The following ARB2A variants were observed in gnomAD, a reference collection of about 807,000 sequenced individuals.
ARB2A encodes ARB2 cotranscriptional regulator A, also known as cotranscriptional regulator ARB2A.
At chr5:93,720,621 G>A in the ARB2A span, among the ~76,000 whole-genome samples, 1 of 152,128 alleles carries the variant, frequency 6.6e-6, no homozygotes, top group South Asian at 2.1e-4. Flanking sequence ...ACTGATACTA[G>A]CTCTATAGTT....
chr5:94,046,971 A>C, the ARB2A span, among the ~76,000 whole-genome samples: 2 of 152,176 alleles, frequency 1.3e-5, no homozygotes, highest in Non-Finnish European at 2.9e-5. Flanking sequence ...TCAACAGTGA[A>C]ATTAGCAATC....
chr5:94,075,220 T>C, the ARB2A span, among the ~76,000 whole-genome samples: 1 of 152,124 alleles, frequency 6.6e-6, no homozygotes, highest in South Asian at 2.1e-4. Context: ...AACAAGCAGA[T>C]AGGAGGATGC....
At chr5:94,103,168 A>G in the ARB2A span, among the ~76,000 whole-genome samples, 2 of 152,088 alleles carry the variant, frequency 1.3e-5, no homozygotes, top group East Asian at 3.9e-4. Context: ...TTCACATATC[A>G]ATACTGACTC....
At chr5:93,932,508 A>G in the ARB2A span, among the ~76,000 whole-genome samples, 5 of 152,212 alleles carry the variant, frequency 3.3e-5, no homozygotes, top group Non-Finnish European at 7.3e-5. Context: ...AGCTTTATCT[A>G]TAAGTAGACA....
At chr5:94,107,027 C>T in the ARB2A span, among the ~76,000 whole-genome samples, 3 of 151,898 alleles carry the variant, frequency 2.0e-5, no homozygotes, top group Admixed American at 6.6e-5. Context: ...AACTACCTAT[C>T]GGGTCACTGC....
At chr5:93,946,947 T>G in the ARB2A span, among the ~76,000 whole-genome samples, 5 of 152,342 alleles carry the variant, frequency 3.3e-5, no homozygotes, top group Non-Finnish European at 5.9e-5. Context: ...TTGAAACATC[T>G]GATAGAAGAG....
At chr5:93,977,466 C>T in the ARB2A span, among the ~76,000 whole-genome samples, 2 of 152,150 alleles carry the variant, frequency 1.3e-5, no homozygotes, top group Admixed American at 1.3e-4. Context: ...TAAAGTCACA[C>T]ACCACCAACC....
At chr5:93,915,371 C>T in the ARB2A span, among the ~76,000 whole-genome samples, 1 of 151,480 alleles carries the variant, frequency 6.6e-6, no homozygotes, top group East Asian at 1.9e-4. Flanking sequence ...ATTCTGTGCC[C>T]TTGCTTTCAC....
At chr5:94,015,430 A>G in the ARB2A span, among the ~76,000 whole-genome samples, 11 of 152,270 alleles carry the variant, frequency 7.2e-5, no homozygotes, top group Admixed American at 5.2e-4. Context: ...AAAAAAAACA[A>G]CTAATGTGCA....
the ARB2A span, chr5:93,881,717 A>C: frequency 7.1e-7 from 1 of 1,411,092 alleles, no homozygotes; most frequent in Non-Finnish European, 9.4e-7. Context: ...AGGTAGCATA[A>C]TTTAAATCTT....
At chr5:93,767,027 CG>C in the ARB2A span, among the ~76,000 whole-genome samples, 2 of 89,792 alleles carry the variant, frequency 2.2e-5, no homozygotes, top group Admixed American at 1.7e-4. Flanking sequence ...CATCACACAC[CG>C]GGGCCTGTTG....
At chr5:94,072,864 T>C in the ARB2A span, among the ~76,000 whole-genome samples, 2 of 152,160 alleles carry the variant, frequency 1.3e-5, no homozygotes, top group African/African-American at 4.8e-5. Flanking sequence ...ATCACCATCT[T>C]CCTTACCATC....
the ARB2A span, chr5:93,881,577 G>A: frequency 3.5e-5 from 57 of 1,610,298 alleles, no homozygotes; most frequent in Non-Finnish European, 4.7e-5. Context: ...TTTCTTTCCC[G>A]TTTTTCTGCT....
At chr5:93,805,969 T>A in the ARB2A span, 3 of 980,686 alleles carry the variant, frequency 3.1e-6, no homozygotes, top group Non-Finnish European at 3.6e-6. Context: ...AGAGCTCTCC[T>A]CCACTCATGA....
chr5:93,642,259 GAC>G, the ARB2A span, among the ~76,000 whole-genome samples: 2 of 151,472 alleles, frequency 1.3e-5, no homozygotes, highest in Admixed American at 6.6e-5. Context: ...GGAGTGCAGT[GAC>G]ACTATCATGG....
the ARB2A span, among the ~76,000 whole-genome samples, chr5:93,829,483 A>G: frequency 6.6e-6 from 1 of 152,168 alleles, no homozygotes; most frequent in Non-Finnish European, 1.5e-5. Flanking sequence ...GTCTTCTAAC[A>G]TCATCTTGTG....
chr5:94,077,619 A>C, the ARB2A span, among the ~76,000 whole-genome samples: 1 of 152,174 alleles, frequency 6.6e-6, no homozygotes, highest in South Asian at 2.1e-4. Context: ...ACCACAGATA[A>C]ACACTACTGA....
chr5:93,847,711 G>A, the ARB2A span, among the ~76,000 whole-genome samples: 1 of 152,118 alleles, frequency 6.6e-6, no homozygotes, highest in African/African-American at 2.4e-5. Context: ...TATATTACAT[G>A]TATTATGAAT....
chr5:93,949,645 A>C, the ARB2A span, among the ~76,000 whole-genome samples: 1 of 152,070 alleles, frequency 6.6e-6, no homozygotes, highest in Non-Finnish European at 1.5e-5. Flanking sequence ...CCTGTGTGTT[A>C]CAATCCAATT....
Sources: allele counts gnomAD v4.1 joint callset (sites outside exome capture counted in the v4.1 genomes callset), GRCh38; gene constraint gnomAD v4.1.1; transcripts MANE v1.5; gene names NCBI Gene and HGNC (gene_info 2026-07-23, HGNC 2026-07-21).